The following PPP1R16B variants were observed in gnomAD, a reference collection of about 807,000 sequenced individuals.
The protein encoded by PPP1R16B is protein phosphatase 1 regulatory subunit 16B.
Under a neutral mutation model 61.7 loss-of-function variants are expected in PPP1R16B, and 14 were observed. The observed-to-expected ratio is 0.23, with a 90% CI of 0.15 to 0.35. PPP1R16B has a LOEUF of 0.35. Ranked by LOEUF, PPP1R16B falls within the 10% of genes least tolerant of loss-of-function variation. The pLI is 1.00. For missense variants in PPP1R16B, 547 were observed against 752.5 expected, an observed-to-expected ratio of 0.73 and a Z score of 3.19; for synonymous variants, 266 against 305.3, an observed-to-expected ratio of 0.87 and a Z score of 1.34.
chr20:38,863,578 C>T (rs2085069591), intron 2 of PPP1R16B, among the ~76,000 whole-genome samples: 1 of 152,206 alleles, frequency 6.6e-6, no homozygotes, highest in African/African-American at 2.4e-5. Flanking sequence ...TGTACAGCAG[C>T]TGTGTGATCC....
intron 1 of PPP1R16B, among the ~76,000 whole-genome samples, chr20:38,810,163 G>A (rs1393324941): frequency 6.6e-6 from 1 of 152,202 alleles, no homozygotes; most frequent in African/African-American, 2.4e-5. Flanking sequence ...TTTTCCAGGT[G>A]GTAGGGCAGC....
Position 38,920,304 on chromosome 20 carries a change from G to A in PPP1R16B, c.*1638G>A, listed in dbSNP as rs571263313. The A allele has an allele frequency of 6.5e-6, 1 of 152,802 alleles. No individual in the cohort carries two copies. Among genetic ancestry groups the A allele is most frequent in the East Asian group, 1.9e-4 (1 of 5,176 alleles). 9.5% of individuals were successfully genotyped at this position (152,802 alleles called of 1,614,324 possible). A position where few individuals can be genotyped will look rare whatever the true frequency, so the allele number is the denominator to read the frequency against. ...CCCTTGCTCTGTGCGCCTTTTATTT[G>A]TCCTTAAACTACCTCCTTAGAGCTC... is the stretch of plus-strand genomic sequence containing the variant. On this transcript the variant is annotated 3_prime_UTR_variant, in exon 11 of 11. Transcript: ENST00000299824.
chr20:38,897,846 G>T (rs1024796919), intron 4 of PPP1R16B, among the ~76,000 whole-genome samples: 5 of 152,186 alleles, frequency 3.3e-5, no homozygotes, highest in African/African-American at 1.2e-4. Context: ...TTTTTCTCGT[G>T]ATGAGTGACG....
chr20:38,898,728 T>C (rs2085368161), intron 4 of PPP1R16B, among the ~76,000 whole-genome samples: 1 of 152,014 alleles, frequency 6.6e-6, no homozygotes, highest in Admixed American at 6.6e-5. Flanking sequence ...GAGAACTGCT[T>C]GAACCTGGGA....
At chr20:38,816,896 C>T (rs2084739309) in intron 1 of PPP1R16B, among the ~76,000 whole-genome samples, 1 of 152,218 alleles carries the variant, frequency 6.6e-6, no homozygotes, top group Non-Finnish European at 1.5e-5. Context: ...CACCCTCCTC[C>T]TCCCCCATTA....
chr20:38,865,512 G>A (rs890318094), intron 2 of PPP1R16B, among the ~76,000 whole-genome samples: 4 of 152,068 alleles, frequency 2.6e-5, no homozygotes, highest in South Asian at 2.1e-4. Flanking sequence ...GGATGGTCTC[G>A]ATCTCCTGAC....
At chr20:38,863,517 A>T (rs540667721) in intron 2 of PPP1R16B, among the ~76,000 whole-genome samples, 12 of 152,350 alleles carry the variant, frequency 7.9e-5, no homozygotes, top group Non-Finnish European at 1.5e-4. Context: ...TTACTCTGGC[A>T]TGGATGATGG....
At chr20:38,894,970 C>G (rs1415967685) in intron 3 of PPP1R16B, among the ~76,000 whole-genome samples, 1 of 152,200 alleles carries the variant, frequency 6.6e-6, no homozygotes, top group African/African-American at 2.4e-5. Context: ...CTAGAATGCT[C>G]ACGTTGAGCT....
chr20:38,810,630 A>G (rs189588883), intron 1 of PPP1R16B, among the ~76,000 whole-genome samples: 117 of 152,300 alleles, frequency 7.7e-4, no homozygotes, highest in Non-Finnish European at 1.4e-3. Flanking sequence ...GAAGTGGAGG[A>G]AGCGTCATGA....
At chr20:38,899,065 G>C (rs1320456226) in intron 4 of PPP1R16B, among the ~76,000 whole-genome samples, 2 of 152,168 alleles carry the variant, frequency 1.3e-5, no homozygotes, top group African/African-American at 4.8e-5. Context: ...AGTGGCCCAG[G>C]GCAGGTAACC....
intron 2 of PPP1R16B, among the ~76,000 whole-genome samples, chr20:38,867,273 T>C (rs1476883345): frequency 6.6e-6 from 1 of 152,202 alleles, no homozygotes; most frequent in Non-Finnish European, 1.5e-5. Flanking sequence ...AACATCAGCC[T>C]GGTGCTGATG....
intron 2 of PPP1R16B, among the ~76,000 whole-genome samples, chr20:38,870,056 T>G (rs1454239017): frequency 6.6e-6 from 1 of 152,148 alleles, no homozygotes; most frequent in Non-Finnish European, 1.5e-5. Flanking sequence ...CCTGAGTAGC[T>G]GGGATTACAG....
chr20:38,890,292 C>G (rs1221042548), intron 3 of PPP1R16B, among the ~76,000 whole-genome samples: 1 of 152,258 alleles, frequency 6.6e-6, no homozygotes, highest in Non-Finnish European at 1.5e-5. Context: ...TCCTGTTACT[C>G]AAAGTTCTCT....
At chr20:38,916,841 G>C (rs1002233529) in intron 10 of PPP1R16B, among the ~76,000 whole-genome samples, 4 of 152,214 alleles carry the variant, frequency 2.6e-5, no homozygotes, top group South Asian at 2.1e-4. Context: ...GTATTTGTCA[G>C]TGTGATATCC....
intron 4 of PPP1R16B, 97 bp downstream of exon 4, chr20:38,895,807 C>G: frequency 1.3e-6 from 1 of 795,646 alleles, no homozygotes. Flanking sequence ...CCTTCTTTCT[C>G]TCCTCCCTTC....
intron 10 of PPP1R16B, among the ~76,000 whole-genome samples, chr20:38,917,127 T>A (rs1166578623): frequency 6.6e-6 from 1 of 151,958 alleles, no homozygotes; most frequent in Non-Finnish European, 1.5e-5. Flanking sequence ...TGAAACCCCA[T>A]CTCTACAAAA....
intron 2 of PPP1R16B, among the ~76,000 whole-genome samples, chr20:38,882,855 A>C (rs2085212756): frequency 6.6e-6 from 1 of 152,214 alleles, no homozygotes; most frequent in Non-Finnish European, 1.5e-5. Flanking sequence ...GGAAGAAAGA[A>C]GGCTCCGGGC....
At chr20:38,913,479 T>G (rs776557544) in intron 10 of PPP1R16B, among the ~76,000 whole-genome samples, 15 of 152,174 alleles carry the variant, frequency 9.9e-5, no homozygotes, top group Non-Finnish European at 1.6e-4. Context: ...GCCAGGATGG[T>G]CTCAATCCCT....
At chr20:38,884,138 G>GC (rs573894869) in intron 2 of PPP1R16B, among the ~76,000 whole-genome samples, 3 of 152,218 alleles carry the variant, frequency 2.0e-5, no homozygotes, top group African/African-American at 4.8e-5. Flanking sequence ...TTAGACCCAA[G>GC]CCAGCTTCCT....
Sources: allele counts gnomAD v4.1 joint callset (sites outside exome capture counted in the v4.1 genomes callset), GRCh38; gene constraint gnomAD v4.1.1; transcripts MANE v1.5; gene names NCBI Gene and HGNC (gene_info 2026-07-23, HGNC 2026-07-21).